PRKCH: variants seen among roughly 807,000 people sequenced by gnomAD.
The protein encoded by PRKCH is protein kinase C eta type.
Under a neutral mutation model 82.5 loss-of-function variants are expected in PRKCH, and 28 were observed. That is an observed-to-expected ratio of 0.34 (90% CI 0.25 to 0.47). The LOEUF (loss-of-function observed/expected upper bound fraction) is 0.47. PRKCH is among the 20% of genes least tolerant of loss of function. The pLI is 1.00. For missense variants in PRKCH, 705 were observed against 881.8 expected, an observed-to-expected ratio of 0.80 and a Z score of 2.54; for synonymous variants, 322 against 327.4, an observed-to-expected ratio of 0.98 and a Z score of 0.18.
At chr14:61,421,348 A>G (rs1882824822) in intron 2 of PRKCH, among the ~76,000 whole-genome samples, 1 of 152,154 alleles carries the variant, frequency 6.6e-6, no homozygotes, top group Non-Finnish European at 1.5e-5. Flanking sequence ...AAATATTCCT[A>G]CATGTATACA....
At chr14:61,487,143 G>T (rs1886260317) in intron 10 of PRKCH, among the ~76,000 whole-genome samples, 1 of 152,150 alleles carries the variant, frequency 6.6e-6, no homozygotes. Flanking sequence ...AGCAGGTGTG[G>T]CAGGTACCAC....
At chr14:61,241,872 C>T (rs759144516) in intron 1 of PRKCH, among the ~76,000 whole-genome samples, 6 of 152,078 alleles carry the variant, frequency 3.9e-5, no homozygotes, top group African/African-American at 9.7e-5. Context: ...TGAGATGAAG[C>T]GTGTTTTATG....
chr14:61,547,941 C>CTA (rs2043280287), intron 13 of PRKCH, 55 bp downstream of exon 13: 1 of 1,584,584 alleles, frequency 6.3e-7, no homozygotes, highest in Non-Finnish European at 8.6e-7. Context: ...TCACAGCATT[C>CTA]CACCAAAGTC....
At chr14:61,324,494 C>G (rs1256590931) in intron 1 of PRKCH, among the ~76,000 whole-genome samples, 1 of 151,826 alleles carries the variant, frequency 6.6e-6, no homozygotes, top group Non-Finnish European at 1.5e-5. Context: ...TATTTCAGAA[C>G]TGTAAGGATA....
At position 61,196,107 on chromosome 14, in the gene PRKCH, A is replaced by AT. The variant is rs149259999; in HGVS notation, c.-19+8440dup. On this transcript the variant is annotated intron_variant, in intron 1 of 3. Transcript: ENST00000555185. The stretch of plus-strand genomic sequence containing the variant: ...AATGATGGCCACCAAAAGCCAATGC[A>AT]TAAAGTCCTTAAAATAGCCTATTAA... Among the ~76,000 whole-genome samples, 762 of 152,330 alleles carry AT rather than the reference A, an allele frequency of 5.0e-3. 20 individuals are homozygous for AT. The East Asian group carries it at 0.068, about 14-fold the overall frequency.
chr14:61,525,676 G>A (rs901715473), intron 10 of PRKCH: 3 of 152,226 alleles, frequency 2.0e-5, no homozygotes, highest in Admixed American at 6.5e-5. Flanking sequence ...AAGCAACTGC[G>A]GGTCAACGCT....
intron 10 of PRKCH, among the ~76,000 whole-genome samples, chr14:61,509,506 C>T (rs1346598024): frequency 1.3e-5 from 2 of 152,094 alleles, no homozygotes; most frequent in African/African-American, 4.8e-5. Flanking sequence ...ATTCTAAACA[C>T]ACATAAATTG....
intron 2 of PRKCH, among the ~76,000 whole-genome samples, chr14:61,431,815 T>C (rs78106876): frequency 0.021 from 3,181 of 152,346 alleles, 50 homozygotes; most frequent in Middle Eastern, 0.034. Flanking sequence ...ATTCTTTCTT[T>C]TACAGTGTAT....
At chr14:61,385,294 A>C (rs904032542) in intron 1 of PRKCH, among the ~76,000 whole-genome samples, 2 of 150,846 alleles carry the variant, frequency 1.3e-5, no homozygotes, top group Non-Finnish European at 2.9e-5. Flanking sequence ...AAAACTGAGA[A>C]GGGGAGTGAA....
chr14:61,550,635 C>CT lies in PRKCH; in HGVS notation c.*810dup, dbSNP rs1396215963. 1 of 152,602 alleles carries CT rather than the reference C, an allele frequency of 6.6e-6. No homozygotes were observed. The highest frequency in any genetic ancestry group is 1.5e-5 in the Non-Finnish European group (1 of 68,032). 9.5% of individuals were successfully genotyped at this position (152,602 alleles called of 1,614,324 possible). ...GTCACACTTTTGTCTGCACATAACTCTTTTTTCACAAGAAGGGTCACTGCC... is the reference window on the plus strand; with the variant it reads ...GTCACACTTTTGTCTGCACATAACTCTTTTTTTCACAAGAAGGGTCACTGCC... On this transcript the variant is annotated 3_prime_UTR_variant, in exon 14 of 14. Transcript: ENST00000332981.
chr14:61,354,926 G>A (rs2046129460), intron 1 of PRKCH, among the ~76,000 whole-genome samples: 1 of 152,120 alleles, frequency 6.6e-6, no homozygotes, highest in South Asian at 2.1e-4. Flanking sequence ...CATTATGTCT[G>A]GCATATACCA....
At chr14:61,239,519 G>T (rs964015242) in intron 1 of PRKCH, among the ~76,000 whole-genome samples, 3 of 152,274 alleles carry the variant, frequency 2.0e-5, no homozygotes, top group Middle Eastern at 6.8e-3. Context: ...CTCTTCAGGG[G>T]GTACGTGTCT....
intron 1 of PRKCH, among the ~76,000 whole-genome samples, chr14:61,350,915 C>T (rs1384044945): frequency 1.3e-5 from 2 of 152,180 alleles, no homozygotes; most frequent in South Asian, 2.1e-4. Context: ...TATTTTGACT[C>T]TCCTTGTAAG....
intron 10 of PRKCH, among the ~76,000 whole-genome samples, chr14:61,520,504 C>G (rs1245659835): frequency 6.6e-6 from 1 of 151,768 alleles, no homozygotes; most frequent in Non-Finnish European, 1.5e-5. Context: ...CCCATAGAAC[C>G]AATATAAAAA....
chr14:61,329,234 C>CTTTTCTTTTTTT (rs2045747117), intron 1 of PRKCH, among the ~76,000 whole-genome samples: 1 of 63,462 alleles, frequency 1.6e-5, no homozygotes, highest in Non-Finnish European at 2.7e-5. Flanking sequence ...ACTCCTGAGT[C>CTTTTCTTTTTTT]TTTTTTTTTT....
intron 1 of PRKCH, among the ~76,000 whole-genome samples, chr14:61,367,651 G>A (rs552612178): frequency 6.6e-6 from 1 of 151,538 alleles, no homozygotes; most frequent in African/African-American, 2.4e-5. Flanking sequence ...TTTGTGTCCT[G>A]CTTGTGACTT....
At chr14:61,329,584 C>T (rs986395260) in intron 1 of PRKCH, among the ~76,000 whole-genome samples, 5 of 152,082 alleles carry the variant, frequency 3.3e-5, no homozygotes, top group Admixed American at 1.3e-4. Flanking sequence ...TGATCTGTAC[C>T]CTGTGTTCCT....
At chr14:61,349,628 C>A (rs988538157) in intron 1 of PRKCH, among the ~76,000 whole-genome samples, 1 of 151,936 alleles carries the variant, frequency 6.6e-6, no homozygotes, top group Non-Finnish European at 1.5e-5. Context: ...TTTGGGAGGC[C>A]GAGGTGGGTG....
At chr14:61,391,030 T>C (rs1034254512) in intron 1 of PRKCH, among the ~76,000 whole-genome samples, 195 bp from the exon 2 acceptor site, 6 of 152,310 alleles carry the variant, frequency 3.9e-5, no homozygotes, top group Admixed American at 2.0e-4. Context: ...TGATAAAATG[T>C]GGTTTCTTTT....
Sources: gnomAD v4.1 joint callset for allele counts (sites outside exome capture counted in the v4.1 genomes callset) on GRCh38, gnomAD v4.1.1 for gene constraint, MANE v1.5 for transcripts, NCBI Gene and HGNC (gene_info 2026-07-23, HGNC 2026-07-21) for gene names.